The following FAM227A variants were observed in gnomAD, a reference collection of about 807,000 sequenced individuals.
The protein encoded by FAM227A is protein FAM227A.
In FAM227A, 80 loss-of-function variants were observed where a neutral mutation model predicts 74.7. That is an observed-to-expected ratio of 1.07 (90% CI 0.89 to 1.29). The LOEUF (loss-of-function observed/expected upper bound fraction) is 1.29, where lower values mean the gene tolerates loss of function less well. Ranked by LOEUF, FAM227A falls within the 50% of genes most tolerant of loss-of-function variation. FAM227A has a pLI of 0.00. For missense variants in FAM227A, 654 were observed against 683.4 expected, an observed-to-expected ratio of 0.96 and a Z score of 0.48; for synonymous variants, 237 against 241.8, an observed-to-expected ratio of 0.98 and a Z score of 0.19.
At chr22:38,650,000 T>C (rs377477527) in intron 2 of FAM227A, 27 bp downstream of exon 2, 3 of 1,551,388 alleles carry the variant, frequency 1.9e-6, no homozygotes, top group South Asian at 2.4e-5. Context: ...TTTGGTCTGA[T>C]TGTAGGTGAC....
intron 2 of FAM227A, 43 bp downstream of exon 2, chr22:38,649,984 G>C (rs1485867149): frequency 5.8e-6 from 9 of 1,542,418 alleles, no homozygotes; most frequent in Non-Finnish European, 7.9e-6. Context: ...ACTCAAGTTA[G>C]GTGTATTTGG....
intron 11 of FAM227A, among the ~76,000 whole-genome samples, chr22:38,613,128 A>ATATATATATTATATATAAT (rs2091463642): frequency 3.3e-5 from 3 of 91,482 alleles, no homozygotes; most frequent in South Asian, 5.4e-4. Context: ...ATATATAATT[A>ATATATATATTATATATAAT]TATATATAAT....
At chr22:38,608,716 C>A (rs1008548696) in intron 11 of FAM227A, among the ~76,000 whole-genome samples, 1 of 151,960 alleles carries the variant, frequency 6.6e-6, no homozygotes, top group Non-Finnish European at 1.5e-5. Flanking sequence ...CAGGCATGAG[C>A]CACCGTGCCA....
chr22:38,617,574 C>T (rs892119320), intron 11 of FAM227A, among the ~76,000 whole-genome samples: 25 of 152,262 alleles, frequency 1.6e-4, no homozygotes, highest in African/African-American at 3.4e-4. Flanking sequence ...GGATTACAGG[C>T]GTGAGCCTCC....
intron 1 of FAM227A, among the ~76,000 whole-genome samples, chr22:38,650,899 G>A (rs1388324796): frequency 2.6e-5 from 4 of 152,084 alleles, no homozygotes; most frequent in Admixed American, 6.6e-5. Context: ...GATAGGCCTC[G>A]TTATAATACA....
intron 11 of FAM227A, among the ~76,000 whole-genome samples, chr22:38,613,010 G>C (rs1348060622): frequency 7.6e-6 from 1 of 131,630 alleles, no homozygotes; most frequent in Non-Finnish European, 1.6e-5. Context: ...TCTTTTTTTG[G>C]CACTACAAAA....
At chr22:38,648,540 G>T (rs1018976988) in intron 2 of FAM227A, among the ~76,000 whole-genome samples, 1 of 151,392 alleles carries the variant, frequency 6.6e-6, no homozygotes, top group Non-Finnish European at 1.5e-5. Flanking sequence ...CCGGGAGGTG[G>T]AGGTTGCAGT....
chr22:38,640,200 A>AT (rs1334949120), intron 3 of FAM227A, among the ~76,000 whole-genome samples: 3 of 151,720 alleles, frequency 2.0e-5, no homozygotes, highest in African/African-American at 4.8e-5. Context: ...CGCCCGGCTA[A>AT]TTTTTTGTAT....
At chr22:38,648,608 G>GAAAAAAA in intron 2 of FAM227A, among the ~76,000 whole-genome samples, 1 of 148,050 alleles carries the variant, frequency 6.8e-6, no homozygotes, top group South Asian at 2.2e-4. Context: ...CTCTGTCTCA[G>GAAAAAAA]AAACAAACAA....
At position 38,597,316 on chromosome 22, in the gene FAM227A, G is replaced by A. The variant is rs550719927; in HGVS notation, c.1420C>T (p.Leu474=). The A allele has an allele frequency of 5.8e-6, 9 of 1,551,898 alleles. No homozygotes were observed. The Admixed American group carries it at 5.9e-5, about 10-fold the overall frequency. ...PTYTDVISET[L]CSMKKRKDNL... is the part of the protein sequence containing the mutation. The stretch of plus-strand genomic sequence containing the variant: ...TCTTTCCGCTTCTTCATGCTGCACA[G>A]GGTCTCGCTGATGACATCAGTATAC... Residue 474 remains leucine (L), a synonymous_variant, in exon 15 of 17, where the codon CTG becomes TTG. Coordinates refer to ENST00000535113, the MANE Select transcript of FAM227A (RefSeq NM_001013647.2).
chr22:38,643,390 TATAA>T (rs756699383), intron 3 of FAM227A, among the ~76,000 whole-genome samples: 9 of 151,130 alleles, frequency 6.0e-5, no homozygotes, highest in South Asian at 2.1e-4. Flanking sequence ...ATCTGCAGAC[TATAA>T]ATAAGCACAT....
chr22:38,631,345 G>A (rs1319936214), intron 6 of FAM227A, among the ~76,000 whole-genome samples: 3 of 152,030 alleles, frequency 2.0e-5, no homozygotes, highest in African/African-American at 7.3e-5. Flanking sequence ...CTGGGTACGC[G>A]TGGACATAAA....
intron 4 of FAM227A, 59 bp downstream of exon 4, chr22:38,639,596 A>C: frequency 6.1e-6 from 9 of 1,470,270 alleles, no homozygotes; most frequent in Non-Finnish European, 8.4e-6. Context: ...GTTGCATTTT[A>C]GATACTAAAA....
chr22:38,636,835 G>A (rs1301696536), intron 5 of FAM227A, among the ~76,000 whole-genome samples: 1 of 143,164 alleles, frequency 7.0e-6, no homozygotes, highest in African/African-American at 2.6e-5. Context: ...GCAATGGTAT[G>A]ATCTCGACTC....
chr22:38,605,391 G>C (rs1157305311), intron 12 of FAM227A, 43 bp from the exon 13 acceptor site: 1 of 1,197,304 alleles, frequency 8.4e-7, no homozygotes, highest in Non-Finnish European at 1.2e-6. Flanking sequence ...TTAGGTTCAA[G>C]CAATTCTCGT....
chr22:38,579,036 A>C lies in FAM227A; in HGVS notation c.*7089T>G, dbSNP rs778210018. ...ATGGAACTGGGGCACCAGGAGGTTAAGTAACTTGCCTGAGGCTCACAGTCT... is the reference window on the plus strand; with the variant it reads ...ATGGAACTGGGGCACCAGGAGGTTACGTAACTTGCCTGAGGCTCACAGTCT... On this transcript the variant is annotated 3_prime_UTR_variant, in exon 17 of 17. Transcript: ENST00000535113. 6.6e-6 allele frequency: 1 copy of C among 152,234 alleles called. No individual in the cohort carries two copies. The highest frequency in any genetic ancestry group is 1.5e-5 in the Non-Finnish European group (1 of 68,062). 9.4% of individuals were successfully genotyped at this position (152,234 alleles called of 1,614,324 possible). A position where few individuals can be genotyped will look rare whatever the true frequency, so the allele number is the denominator to read the frequency against.
rs1478418033 is a variant in FAM227A, at chr22:38,628,221, T to C, written c.726+17A>G. The C allele has an allele frequency of 1.4e-6, 2 of 1,432,556 alleles. No homozygotes were observed. Among genetic ancestry groups the C allele is most frequent in the South Asian group, 1.2e-5 (1 of 80,784 alleles). The allele number at this position is 1,432,556 out of a possible 1,614,324, so 88.7% of individuals were successfully genotyped here. ...AATCTAATGTGACTTTTTTTCTAGA[T>C]AGTGGCTGATGCTCACTTTTAAGAG... On this transcript the variant is annotated intron_variant, in intron 8 of 16. Transcript: ENST00000535113.
chr22:38,647,163 TAAAAC>T (rs1241256841), intron 2 of FAM227A, among the ~76,000 whole-genome samples: 21 of 109,440 alleles, frequency 1.9e-4, no homozygotes, highest in East Asian at 2.7e-4. Flanking sequence ...ATAAATAAAA[TAAAAC>T]AAAACAATGC....
At chr22:38,622,874 A>C (rs1177902766) in intron 10 of FAM227A, among the ~76,000 whole-genome samples, 1 of 43,928 alleles carries the variant, frequency 2.3e-5, no homozygotes, top group Admixed American at 1.7e-4. Context: ...AGACTGTCTC[A>C]AAAAAAAAAA....
Sources: allele counts gnomAD v4.1 joint callset (sites outside exome capture counted in the v4.1 genomes callset), GRCh38; gene constraint gnomAD v4.1.1; transcripts MANE v1.5; gene names NCBI Gene and HGNC (gene_info 2026-07-23, HGNC 2026-07-21).